FRMD3: variants seen among roughly 807,000 people sequenced by gnomAD.
FRMD3 encodes the protein FERM domain-containing protein 3.
In FRMD3, 33 loss-of-function variants were observed where a neutral mutation model predicts 70.2. The observed-to-expected ratio is 0.47, with a 90% CI of 0.36 to 0.63. The LOEUF (loss-of-function observed/expected upper bound fraction) is 0.63. Among genes scored for constraint, FRMD3 ranks in the 20% least tolerant of loss-of-function variants. The pLI, the probability that FRMD3 is intolerant of heterozygous loss-of-function variation, is 0.00. For missense variants in FRMD3, 632 were observed against 711.4 expected (o/e 0.89, Z 1.27); for synonymous variants, 279 against 255.9 (o/e 1.09, Z -0.86).
At chr9:83,459,888 T>C (rs1489110479) in intron 1 of FRMD3, among the ~76,000 whole-genome samples, 1 of 152,262 alleles carries the variant, frequency 6.6e-6, no homozygotes, top group Non-Finnish European at 1.5e-5. Context: ...TCGGTTGTCT[T>C]GCAGACAGCT....
chr9:83,254,366 A>G (rs963786864), intron 13 of FRMD3, among the ~76,000 whole-genome samples: 1 of 151,976 alleles, frequency 6.6e-6, no homozygotes, highest in African/African-American at 2.4e-5. Flanking sequence ...TTTATAATAA[A>G]GTTGTAAGAA....
At chr9:83,418,563 A>G (rs2131353370) in intron 1 of FRMD3, among the ~76,000 whole-genome samples, 1 of 152,356 alleles carries the variant, frequency 6.6e-6, no homozygotes, top group Non-Finnish European at 1.5e-5. Flanking sequence ...ATGCAGATTA[A>G]AACCACAATC....
intron 10 of FRMD3, among the ~76,000 whole-genome samples, chr9:83,307,881 GA>G (rs1320783884): frequency 1.3e-5 from 2 of 152,102 alleles, no homozygotes; most frequent in Admixed American, 6.5e-5. Context: ...TAAAGACTGA[GA>G]GCATCAAACC....
chr9:83,257,287 T>C (rs7030958), intron 13 of FRMD3, among the ~76,000 whole-genome samples: 145,921 of 152,276 alleles, frequency 0.96, 69,978 homozygotes, highest in East Asian at 1. Flanking sequence ...AACCAAACAC[T>C]GCATGTTCTC....
intron 13 of FRMD3, among the ~76,000 whole-genome samples, chr9:83,273,815 GTTTTC>G (rs980452449): frequency 1.3e-5 from 2 of 152,002 alleles, no homozygotes; most frequent in African/African-American, 4.8e-5. Context: ...GTCACTTGGT[GTTTTC>G]TTTTCTTTTT....
At chr9:83,404,859 T>C (rs991282545) in intron 1 of FRMD3, among the ~76,000 whole-genome samples, 6 of 152,196 alleles carry the variant, frequency 3.9e-5, no homozygotes, top group Non-Finnish European at 7.3e-5. Flanking sequence ...ACAACAAGCA[T>C]TGGGTTGCTT....
chr9:83,543,167 A>G (rs1489225932), upstream of FRMD3, among the ~76,000 whole-genome samples: 1 of 151,860 alleles, frequency 6.6e-6, no homozygotes, highest in African/African-American at 2.4e-5. Context: ...AGAAGAACCA[A>G]AGTTAGAGGT....
the FRMD3 span, among the ~76,000 whole-genome samples, chr9:83,573,202 G>C: frequency 1.3e-5 from 2 of 151,064 alleles, no homozygotes; most frequent in Non-Finnish European, 2.9e-5. Context: ...ATTGTTCTAG[G>C]CTCCAAGAGC....
At chr9:83,472,999 C>A (rs914543386) in intron 1 of FRMD3, among the ~76,000 whole-genome samples, 1 of 152,090 alleles carries the variant, frequency 6.6e-6, no homozygotes, top group Non-Finnish European at 1.5e-5. Context: ...AGGATTGTGG[C>A]GAAACCTCCC....
At chr9:83,444,634 C>T (rs969343644) in intron 1 of FRMD3, among the ~76,000 whole-genome samples, 1 of 152,180 alleles carries the variant, frequency 6.6e-6, no homozygotes, top group African/African-American at 2.4e-5. Flanking sequence ...TACCAGGCTA[C>T]CACTAACATC....
intron 1 of FRMD3, among the ~76,000 whole-genome samples, chr9:83,478,506 T>C (rs1323952086): frequency 6.6e-6 from 1 of 152,074 alleles, no homozygotes; most frequent in Non-Finnish European, 1.5e-5. Flanking sequence ...AGCCAAAAAC[T>C]ACAAGTGTTG....
intron 1 of FRMD3, among the ~76,000 whole-genome samples, chr9:83,485,558 C>T (rs1828669683): frequency 6.6e-6 from 1 of 152,198 alleles, no homozygotes; most frequent in South Asian, 2.1e-4. Context: ...GCTTTCCTGT[C>T]AAGCCCCTTG....
chr9:83,344,538 A>G (rs1823885879), intron 4 of FRMD3, among the ~76,000 whole-genome samples: 2 of 152,196 alleles, frequency 1.3e-5, no homozygotes, highest in Non-Finnish European at 2.9e-5. Context: ...ACTGAATAGC[A>G]CACAAAGGCA....
chr9:83,306,279 C>A (rs943355777), intron 10 of FRMD3, among the ~76,000 whole-genome samples: 1 of 152,194 alleles, frequency 6.6e-6, no homozygotes, highest in African/African-American at 2.4e-5. Context: ...TCCTGTATCA[C>A]CCCCTCCCAT....
At chr9:83,452,885 C>G (rs1282616772) in intron 1 of FRMD3, among the ~76,000 whole-genome samples, 1 of 128,632 alleles carries the variant, frequency 7.8e-6, no homozygotes, top group Admixed American at 8.7e-5. Context: ...GACAGAGTCT[C>G]GCCCTGTCAC....
At chr9:83,576,212 A>T in the FRMD3 span, among the ~76,000 whole-genome samples, 2 of 152,326 alleles carry the variant, frequency 1.3e-5, no homozygotes, top group South Asian at 4.1e-4. Context: ...AGTAGAATTA[A>T]TCCCAGGAGG....
chr9:83,422,058 C>T (rs951263575), intron 1 of FRMD3, among the ~76,000 whole-genome samples: 5 of 152,198 alleles, frequency 3.3e-5, no homozygotes, highest in South Asian at 2.1e-4. Flanking sequence ...AACCCCGTCT[C>T]GACTAAAAAT....
the FRMD3 span, among the ~76,000 whole-genome samples, chr9:83,558,638 T>C: frequency 6.6e-6 from 1 of 152,212 alleles, no homozygotes; most frequent in African/African-American, 2.4e-5. Context: ...ATCCATTTTG[T>C]AAGGCTATTG....
chr9:83,292,529 T>C (rs1319330747), intron 12 of FRMD3, among the ~76,000 whole-genome samples: 40 of 152,226 alleles, frequency 2.6e-4, no homozygotes, highest in Admixed American at 2.6e-3. Context: ...CTGAAATTAA[T>C]GTCTTATGGA....
Sources: gnomAD v4.1 joint callset for allele counts (sites outside exome capture counted in the v4.1 genomes callset) on GRCh38, gnomAD v4.1.1 for gene constraint, MANE v1.5 for transcripts, NCBI Gene and HGNC (gene_info 2026-07-23, HGNC 2026-07-21) for gene names.